Variants in GCNT1 observed in about 807,000 individuals in gnomAD.
GCNT1 encodes the protein beta-1,3-galactosyl-O-glycosyl-glycoprotein beta-1,6-N-acetylglucosaminyltransferase.
Under a neutral mutation model 26.2 loss-of-function variants are expected in GCNT1, and 16 were observed. The observed-to-expected ratio is 0.61, with a 90% CI of 0.41 to 0.93. The LOEUF (loss-of-function observed/expected upper bound fraction) is 0.93. Among genes scored for constraint, GCNT1 ranks in the 40% least tolerant of loss-of-function variants. GCNT1 has a pLI of 0.00. For missense variants in GCNT1, 477 were observed against 526.7 expected (o/e 0.91, Z 0.92); for synonymous variants, 183 against 190.8 (o/e 0.96, Z 0.34).
the GCNT1 span, among the ~76,000 whole-genome samples, chr9:76,410,890 A>G: frequency 1.3e-5 from 2 of 152,228 alleles, no homozygotes; most frequent in Non-Finnish European, 1.5e-5. Flanking sequence ...CATATACACT[A>G]TGGATTGTTA....
At chr9:76,413,513 A>G in the GCNT1 span, among the ~76,000 whole-genome samples, 56,191 of 152,058 alleles carry the variant, frequency 0.37, 11,116 homozygotes, top group Non-Finnish European at 0.44. Context: ...GTGGTTTCTG[A>G]AGAGAAGTTG....
At chr9:76,451,295 G>A (rs1377356714) in intron 1 of GCNT1, among the ~76,000 whole-genome samples, 2 of 152,138 alleles carry the variant, frequency 1.3e-5, no homozygotes, top group African/African-American at 2.4e-5. Flanking sequence ...AAAGGATGAG[G>A]AGAGCTCTTT....
intron 1 of GCNT1, among the ~76,000 whole-genome samples, chr9:76,453,480 G>T (rs1823705495): frequency 6.6e-6 from 1 of 152,122 alleles, no homozygotes; most frequent in African/African-American, 2.4e-5. Context: ...TGCCATTTTT[G>T]AGGCTATTAA....
chr9:76,459,113 G>A (rs1030639091), upstream of GCNT1: 1 of 152,364 alleles, frequency 6.6e-6, no homozygotes, highest in Non-Finnish European at 1.5e-5. Flanking sequence ...CGCGCAGGTG[G>A]GCGAGGCGGG....
At chr9:76,437,715 A>G (rs75113367), upstream of GCNT1, among the ~76,000 whole-genome samples, 4,000 of 152,146 alleles carry the variant, frequency 0.026, 87 homozygotes, top group Non-Finnish European at 0.037. Flanking sequence ...CCTTTCTGGT[A>G]ACAAGATCAT....
At chr9:76,465,168 T>A (rs1011922903) in intron 2 of GCNT1, among the ~76,000 whole-genome samples, 6 of 151,780 alleles carry the variant, frequency 4.0e-5, no homozygotes, top group East Asian at 1.9e-4. Context: ...TTTTTTTTTT[T>A]ATTTTTTTTT....
intron 2 of GCNT1, among the ~76,000 whole-genome samples, chr9:76,480,312 G>A (rs1824385657): frequency 6.6e-6 from 1 of 151,958 alleles, no homozygotes; most frequent in African/African-American, 2.4e-5. Context: ...TTGTTCTTTT[G>A]GCTTAGGATT....
intron 2 of GCNT1, among the ~76,000 whole-genome samples, chr9:76,464,975 A>G (rs150204361): frequency 9.3e-5 from 14 of 151,322 alleles, no homozygotes; most frequent in Non-Finnish European, 4.4e-5. Flanking sequence ...CCAGTTTCCA[A>G]TGAGATTTTT....
At chr9:76,427,814 G>T (rs779427961) in intron 1 of GCNT1, among the ~76,000 whole-genome samples, 1 of 151,956 alleles carries the variant, frequency 6.6e-6, no homozygotes, top group African/African-American at 2.4e-5. Flanking sequence ...TGGTGAAACC[G>T]CATCTCTACT....
chr9:76,458,327 C>A (rs1212324107), upstream of GCNT1, among the ~76,000 whole-genome samples: 1 of 151,750 alleles, frequency 6.6e-6, no homozygotes, highest in African/African-American at 2.4e-5. Context: ...GGACTACAGG[C>A]GCCCGCCACC....
At chr9:76,447,151 CAAAAAAAA>C (rs532132124) in intron 1 of GCNT1, among the ~76,000 whole-genome samples, 20 of 35,994 alleles carry the variant, frequency 5.6e-4, no homozygotes, top group African/African-American at 2.1e-3. Flanking sequence ...AACCCTGTGT[CAAAAAAAA>C]AAAAAAAAAA....
upstream of GCNT1, among the ~76,000 whole-genome samples, chr9:76,415,653 A>G (rs982396237): frequency 6.6e-6 from 1 of 152,234 alleles, no homozygotes; most frequent in African/African-American, 2.4e-5. Flanking sequence ...ATGGGATTCT[A>G]TCTTTGTTTT....
chr9:76,466,115 A>G (rs2131599211), intron 2 of GCNT1, among the ~76,000 whole-genome samples: 1 of 152,098 alleles, frequency 6.6e-6, no homozygotes, highest in East Asian at 1.9e-4. Context: ...AGGGTGTAGA[A>G]TGAGAAAAGA....
chr9:76,502,177 CTGTATATA>C (rs1375428286), intron 3 of GCNT1, 54 bp from the exon 4 acceptor site: 51 of 115,378 alleles, frequency 4.4e-4, no homozygotes, highest in East Asian at 7.0e-4. Flanking sequence ...CTCTCTCTCT[CTGTATATA>C]TATATATATA....
At position 76,428,191 on chromosome 9, in the gene GCNT1, G is replaced by A. The variant is rs184020006; in HGVS notation, n.38+8304G>A. Among the ~76,000 whole-genome samples, 43 of 148,618 alleles carry A rather than the reference G, an allele frequency of 2.9e-4. No individual in the cohort carries two copies. The East Asian group carries it at 4.9e-3, about 17-fold the overall frequency. On this transcript the variant is annotated intron_variant and non_coding_transcript_variant, in intron 1 of 3. Transcript: ENST00000488136. ...TGAGGCAGGAGAATGGCGTGAGCCC[G>A]GGAGGTGGAGCTTGCAGTGAGCCGA... is the stretch of plus-strand genomic sequence containing the variant.
chr9:76,455,794 G>A (rs1273281334), upstream of GCNT1, among the ~76,000 whole-genome samples: 4 of 152,128 alleles, frequency 2.6e-5, no homozygotes, highest in Non-Finnish European at 5.9e-5. Flanking sequence ...TAGAGACGGG[G>A]TTTCGCCATG....
At chr9:76,406,553 C>G in the GCNT1 span, among the ~76,000 whole-genome samples, 1 of 150,758 alleles carries the variant, frequency 6.6e-6, no homozygotes, top group South Asian at 2.1e-4. Context: ...GGCGTGGTGG[C>G]TCACGGGTGT....
At chr9:76,444,704 A>G (rs1456766018) in intron 1 of GCNT1, among the ~76,000 whole-genome samples, 2 of 152,214 alleles carry the variant, frequency 1.3e-5, no homozygotes, top group African/African-American at 4.8e-5. Flanking sequence ...GACACAAAAC[A>G]ATCAGGTTCT....
the GCNT1 span, among the ~76,000 whole-genome samples, chr9:76,408,993 T>A: frequency 6.6e-6 from 1 of 152,200 alleles, no homozygotes; most frequent in Non-Finnish European, 1.5e-5. Context: ...CTGGCCTCTT[T>A]ACTTCTATTT....
Sources: gnomAD v4.1 joint callset for allele counts (sites outside exome capture counted in the v4.1 genomes callset) on GRCh38, gnomAD v4.1.1 for gene constraint, MANE v1.5 for transcripts, NCBI Gene and HGNC (gene_info 2026-07-23, HGNC 2026-07-21) for gene names.